SH3GL1: variants seen among roughly 807,000 people sequenced by gnomAD.
SH3GL1 encodes endophilin-A2.
In SH3GL1, 21 loss-of-function variants were observed where a neutral mutation model predicts 48.8. The observed-to-expected ratio is 0.43, with a 90% CI of 0.30 to 0.62. SH3GL1 has a LOEUF of 0.62. SH3GL1 is among the 20% of genes least tolerant of loss of function. The pLI is 0.11. For missense variants in SH3GL1, 454 were observed against 503.0 expected, an observed-to-expected ratio of 0.90 and a Z score of 0.93; for synonymous variants, 282 against 217.5, an observed-to-expected ratio of 1.30 and a Z score of -2.61.
chr19:4,395,913 A>AGT (rs532866384), intron 1 of SH3GL1: 8 of 149,424 alleles, frequency 5.4e-5, no homozygotes, highest in Admixed American at 2.7e-4. Context: ...TCTGTCTCAA[A>AGT]ATATATATAT....
intron 1 of SH3GL1, among the ~76,000 whole-genome samples, chr19:4,380,618 TC>T (rs1354791028): frequency 1.3e-5 from 2 of 152,122 alleles, no homozygotes; most frequent in Non-Finnish European, 2.9e-5. Flanking sequence ...AAAACGTGCG[TC>T]AAACTCATGA....
Position 4,365,641 on chromosome 19 carries a change from C to G in SH3GL1, c.188-16G>C. 6.2e-7 allele frequency: 1 copy of G among 1,613,424 alleles called. No individual in the cohort carries two copies. Among genetic ancestry groups the G allele is most frequent in the African/African-American group, 1.3e-5 (1 of 75,060 alleles). On this transcript the variant is annotated splice_polypyrimidine_tract_variant and intron_variant, in intron 3 of 9. Transcript: ENST00000269886. ...GCCCGCGAGGCTGGGATAGGATGGC[C>G]AGGTGGGTGTGGGCTGTGAGGCCTG...
rs200448085 is a variant in SH3GL1 at position 4,361,740 on chromosome 19, C to G, written c.967G>C (p.Gly323Arg). 6.4e-5 allele frequency: 103 copies of G among 1,612,936 alleles called. No homozygotes were observed. In the East Asian group the frequency reaches 1.8e-3, roughly 28 times the overall value. Residue 323 changes from glycine (G) to arginine (R), a missense_variant, in exon 10 of 10, where the codon GGG becomes CGG. Gly to Arg is a moderately radical substitution (Grantham distance 125). Around this residue, in one of 2 missense-constraint regions of SH3GL1, gnomAD observed 278 missense variants for 246.8 expected, o/e 1.13. Transcript: ENST00000269886. ...TCGCCCTCATGGAAGCCCAGCTCCC[C>G]GTCGTTCTCGGGCTCGAAGTCGTAC... ...ALYDFEPEND[G>R]ELGFHEGDVI...
chr19:4,366,890 GCCA>G (rs770627289), intron 2 of SH3GL1, 33 bp downstream of exon 2: 4 of 1,599,090 alleles, frequency 2.5e-6, no homozygotes, highest in Admixed American at 3.3e-5. Flanking sequence ...CCCCAGCAGT[GCCA>G]CCACCACACA....
At chr19:4,371,895 C>T (rs188597539) in intron 1 of SH3GL1, among the ~76,000 whole-genome samples, 33 of 152,372 alleles carry the variant, frequency 2.2e-4, no homozygotes, top group Admixed American at 4.6e-4. Flanking sequence ...ACAGGGGCCT[C>T]GCCCAGTGCC....
intron 1 of SH3GL1, among the ~76,000 whole-genome samples, chr19:4,396,626 T>C (rs1217595634): frequency 6.6e-6 from 1 of 152,196 alleles, no homozygotes; most frequent in African/African-American, 2.4e-5. Context: ...GGGGATTTTT[T>C]TGTTCCTTTG....
intron 3 of SH3GL1, 109 bp from the exon 4 acceptor site, chr19:4,365,734 A>C: frequency 1.4e-6 from 2 of 1,476,012 alleles, no homozygotes; most frequent in East Asian, 4.5e-5. Flanking sequence ...GTGCCTGTGG[A>C]CAGCCTAGGC....
chr19:4,362,887 A>T, intron 7 of SH3GL1, 151 bp from the exon 8 acceptor site: 1 of 1,294,200 alleles, frequency 7.7e-7, no homozygotes, highest in Non-Finnish European at 1.1e-6. Context: ...GGACACAGCT[A>T]GACTGGGATG....
chr19:4,361,426 GC>G lies in SH3GL1; in HGVS notation c.*173del, dbSNP rs1443283548. On this transcript the variant is annotated 3_prime_UTR_variant, in exon 10 of 10. Transcript: ENST00000269886. Reference sequence around the variant, plus strand: ...CAGGCATCCCCACCCACCCAGATAAGCCCCCCCACCCAAGTGTGGGGTCCTG... The same window carrying G: ...CAGGCATCCCCACCCACCCAGATAAGCCCCCCACCCAAGTGTGGGGTCCTG... 6.7e-6 allele frequency: 4 copies of G among 596,686 alleles called. No individual in the cohort carries two copies. Among genetic ancestry groups the G allele is most frequent in the Admixed American group, 3.0e-5 (1 of 33,596 alleles). The allele number at this position is 596,686 out of a possible 1,614,324, so 37.0% of individuals were successfully genotyped here. A position where few individuals can be genotyped will look rare whatever the true frequency, so the allele number is the denominator to read the frequency against.
Position 4,361,035 on chromosome 19 carries a change from G to A in SH3GL1, c.*565C>T, listed in dbSNP as rs1972592618. 4.3e-6 allele frequency: 1 copy of A among 234,916 alleles called. No homozygotes were observed. Among genetic ancestry groups the A allele is most frequent in the South Asian group, 1.7e-4 (1 of 5,732 alleles). 14.6% of individuals were successfully genotyped at this position (234,916 alleles called of 1,614,324 possible). The stretch of plus-strand genomic sequence containing the variant: ...GGGAGGCGGTGAGGCCCTCTGCCCT[G>A]GCCTTGAGGAGAAGGAGTGCGTGTG... On this transcript the variant is annotated 3_prime_UTR_variant, in exon 10 of 10. Coordinates refer to ENST00000269886, the MANE Select transcript of SH3GL1 (RefSeq NM_003025.4).
At chr19:4,387,345 C>T (rs781559984) in intron 1 of SH3GL1, among the ~76,000 whole-genome samples, 1 of 152,168 alleles carries the variant, frequency 6.6e-6, no homozygotes, top group Non-Finnish European at 1.5e-5. Flanking sequence ...GTTGCCCAGG[C>T]TGGAGGGCAG....
At position 4,366,482 on chromosome 19, in the gene SH3GL1, C is replaced by T. The variant is rs779932635; in HGVS notation, c.187+19G>A. The stretch of plus-strand genomic sequence containing the variant: ...CCAGAGGGCCTGGGGCAGGCCCTGG[C>T]AGTGGCTGGAGCACCCACCTGGGTT... On this transcript the variant is annotated intron_variant, in intron 3 of 9. Coordinates refer to ENST00000269886, the MANE Select transcript of SH3GL1 (RefSeq NM_003025.4). 1.1e-5 allele frequency: 17 copies of T among 1,599,158 alleles called. No individual in the cohort carries two copies. Among genetic ancestry groups the T allele is most frequent in the Non-Finnish European group, 1.5e-5 (17 of 1,171,018 alleles).
intron 1 of SH3GL1, among the ~76,000 whole-genome samples, chr19:4,387,358 G>A (rs1973255441): frequency 1.3e-5 from 2 of 152,208 alleles, no homozygotes; most frequent in Non-Finnish European, 2.9e-5. Context: ...GAGGGCAGCG[G>A]CATGATGATA....
At position 4,366,459 on chromosome 19, in the gene SH3GL1, A is replaced by G. The variant is rs1226691153; in HGVS notation, c.187+42T>C. 2.7e-6 allele frequency: 4 copies of G among 1,495,982 alleles called. No individual in the cohort carries two copies. In the East Asian group the frequency reaches 9.1e-5, roughly 34 times the overall value. The allele number at this position is 1,495,982 out of a possible 1,614,324, so 92.7% of individuals were successfully genotyped here. ...CTGCCTTCCCTCTGACACAGAGGCC[A>G]GAGGGCCTGGGGCAGGCCCTGGCAG... On this transcript the variant is annotated intron_variant, in intron 3 of 9. Coordinates refer to ENST00000269886, the MANE Select transcript of SH3GL1 (RefSeq NM_003025.4).
intron 1 of SH3GL1, among the ~76,000 whole-genome samples, chr19:4,386,178 C>T (rs971110838): frequency 1.3e-5 from 2 of 152,182 alleles, no homozygotes; most frequent in Admixed American, 6.5e-5. Flanking sequence ...TTCAAACAAT[C>T]GGGACTCTGA....
Position 4,389,001 on chromosome 19 carries a change from G to A in SH3GL1, c.45+11323C>T, listed in dbSNP as rs1017172510. Reference sequence around the variant, plus strand: ...GCCTTGTCAGCCACCTGCCTCCCTGGTGCTGTGACACGGCCTGGTCAGATG... The same window carrying A: ...GCCTTGTCAGCCACCTGCCTCCCTGATGCTGTGACACGGCCTGGTCAGATG... On this transcript the variant is annotated intron_variant, in intron 1 of 9. Transcript: ENST00000269886. The surrounding 1 kb of genome is among the most constrained non-coding windows in gnomAD (Gnocchi z 4.5). 6.6e-6 allele frequency among the ~76,000 whole-genome samples: 1 copy of A among 152,218 alleles called. No homozygotes were observed. The highest frequency in any genetic ancestry group is 2.4e-5 in the African/African-American group (1 of 41,452).
chr19:4,364,916 A>ATATATTTTTT (rs1450528018), intron 4 of SH3GL1, among the ~76,000 whole-genome samples: 6 of 116,208 alleles, frequency 5.2e-5, no homozygotes, highest in African/African-American at 2.3e-4. Context: ...ATATATATAT[A>ATATATTTTTT]TTTTTTTTTT....
Position 4,400,096 on chromosome 19 carries a change from C to T in SH3GL1, c.45+228G>A, listed in dbSNP as rs1973495108. Among the ~76,000 whole-genome samples, 1 of 152,136 alleles carries T rather than the reference C, an allele frequency of 6.6e-6. No individual in the cohort carries two copies. The highest frequency in any genetic ancestry group is 2.4e-5 in the African/African-American group (1 of 41,438). On this transcript the variant is annotated intron_variant, in intron 1 of 9. Transcript: ENST00000269886. The surrounding 1 kb of genome is among the most constrained non-coding windows in gnomAD (Gnocchi z 4.1). ...TCCCTGGGCAGCCCAGGGTGCCTCT[C>T]CCCTCCTCCCAGGGGCTCTGTCCCC... is the stretch of plus-strand genomic sequence containing the variant.
chr19:4,364,898 GTATATATA>G (rs1555739999), intron 4 of SH3GL1, among the ~76,000 whole-genome samples: 7 of 96,002 alleles, frequency 7.3e-5, no homozygotes, highest in African/African-American at 2.6e-4. Flanking sequence ...GTGTGTGTGT[GTATATATA>G]TATATATATA....
Sources: allele counts gnomAD v4.1 joint callset (sites outside exome capture counted in the v4.1 genomes callset), GRCh38; gene constraint gnomAD v4.1.1; regional missense constraint gnomAD v4.1.1; non-coding constraint Gnocchi (gnomAD v3.1); transcripts MANE v1.5; gene names NCBI Gene and HGNC (gene_info 2026-07-23, HGNC 2026-07-21).